Variants in OPCML observed in about 807,000 individuals in gnomAD.
OPCML encodes the protein opioid binding protein/cell adhesion molecule like.
Under a neutral mutation model 37.8 loss-of-function variants are expected in OPCML, and 13 were observed. The ratio of observed to expected loss-of-function variants is 0.34; its 90% CI spans 0.22 to 0.55. OPCML has a LOEUF of 0.55. Among genes scored for constraint, OPCML ranks in the 20% least tolerant of loss-of-function variants. The pLI is 0.91. For missense variants in OPCML, 341 were observed against 435.6 expected (o/e 0.78, Z 1.93); for synonymous variants, 176 against 168.8 (o/e 1.04, Z -0.33).
intron 1 of OPCML, chr11:133,419,169 C>T (rs1324895233): frequency 2.4e-6 from 2 of 824,660 alleles, no homozygotes; most frequent in Non-Finnish European, 2.9e-6. Flanking sequence ...ACTGCAATAG[C>T]ACAGTCTCAG....
At chr11:133,436,091 T>C (rs12796765) in intron 1 of OPCML, among the ~76,000 whole-genome samples, 21,718 of 152,152 alleles carry the variant, frequency 0.14, 1,766 homozygotes, top group African/African-American at 0.21. Context: ...TTGAGGATTG[T>C]GTAGTAGATG....
At chr11:133,199,668 A>G (rs1192977594) in intron 1 of OPCML, among the ~76,000 whole-genome samples, 2 of 152,190 alleles carry the variant, frequency 1.3e-5, no homozygotes, top group Non-Finnish European at 2.9e-5. Context: ...GCTGCTCTGA[A>G]TTATAGATGT....
intron 2 of OPCML, among the ~76,000 whole-genome samples, chr11:132,681,852 G>A (rs929036909): frequency 3.9e-5 from 6 of 152,052 alleles, no homozygotes; most frequent in Non-Finnish European, 7.4e-5. Context: ...CTACTCAGGA[G>A]GCTGAGGCAG....
intron 7 of OPCML, 148 bp from the exon 8 acceptor site, chr11:132,420,441 G>A: frequency 7.1e-7 from 1 of 1,402,138 alleles, no homozygotes; most frequent in African/African-American, 1.5e-5. Flanking sequence ...AGCCCATTGG[G>A]AGTATTTAGG....
intron 1 of OPCML, among the ~76,000 whole-genome samples, chr11:133,123,457 C>A (rs762134980): frequency 6.6e-6 from 1 of 152,158 alleles, no homozygotes; most frequent in Non-Finnish European, 1.5e-5. Context: ...CCCATAAACA[C>A]ATTTTACAAA....
chr11:133,168,319 G>A (rs543204212), intron 1 of OPCML, among the ~76,000 whole-genome samples: 1 of 152,266 alleles, frequency 6.6e-6, no homozygotes, highest in East Asian at 1.9e-4. Flanking sequence ...CAGAGGCAGG[G>A]AAACTGGGGC....
intron 2 of OPCML, among the ~76,000 whole-genome samples, chr11:132,916,876 C>G (rs2725443): frequency 0.54 from 81,838 of 151,988 alleles, 23,803 homozygotes; most frequent in African/African-American, 0.77. Context: ...ACAGACGACA[C>G]ATTAGACCTT....
rs200550977 is a variant in OPCML at position 133,349,797 on chromosome 11, G to GA, written c.61+182466dup. ...AATAGTGGGACATGCTAAACCATCA[G>GA]AAAAAAAAATATTTTGACTTATGCA... On this transcript the variant is annotated intron_variant, in intron 1 of 7. Transcript: ENST00000524381. Among the ~76,000 whole-genome samples, 533 of 151,246 alleles carry GA rather than the reference G, an allele frequency of 3.5e-3. 4 individuals are homozygous for GA. Among genetic ancestry groups the GA allele is most frequent in the African/African-American group, 0.011 (469 of 41,298 alleles).
chr11:132,540,979 G>A (rs943597587), intron 3 of OPCML, among the ~76,000 whole-genome samples: 1 of 152,096 alleles, frequency 6.6e-6, no homozygotes, highest in Non-Finnish European at 1.5e-5. Context: ...TAGGCTCCCT[G>A]GAGAGTTCTT....
intron 1 of OPCML, among the ~76,000 whole-genome samples, chr11:133,303,952 G>T (rs181272145): frequency 9.2e-5 from 14 of 152,298 alleles, no homozygotes; most frequent in African/African-American, 2.9e-4. Flanking sequence ...TATGTTTTTG[G>T]TTGTAGATTT....
chr11:133,454,447 C>T (rs1310987855), intron 1 of OPCML, among the ~76,000 whole-genome samples: 5 of 152,128 alleles, frequency 3.3e-5, no homozygotes, highest in South Asian at 2.1e-4. Flanking sequence ...TCCCCCCGTC[C>T]GAAGTGCTTA....
At chr11:133,047,781 T>C (rs1016225367) in intron 1 of OPCML, among the ~76,000 whole-genome samples, 1 of 152,062 alleles carries the variant, frequency 6.6e-6, no homozygotes, top group Admixed American at 6.6e-5. Flanking sequence ...TGAGAGAAAA[T>C]AGTTTCATGA....
chr11:133,175,233 C>T (rs1004599466), intron 1 of OPCML, among the ~76,000 whole-genome samples: 4 of 152,108 alleles, frequency 2.6e-5, no homozygotes, highest in Admixed American at 2.6e-4. Flanking sequence ...CAGAAGAAGA[C>T]CACAGCTCAA....
At chr11:132,524,063 G>C (rs1297627215) in intron 4 of OPCML, among the ~76,000 whole-genome samples, 2 of 152,166 alleles carry the variant, frequency 1.3e-5, no homozygotes, top group African/African-American at 2.4e-5. Context: ...GGTGTGTGAG[G>C]CATCGCAGTG....
chr11:132,685,093 G>A (rs1015140942), intron 2 of OPCML, among the ~76,000 whole-genome samples: 1 of 152,196 alleles, frequency 6.6e-6, no homozygotes, highest in East Asian at 1.9e-4. Context: ...TATTGTCAAT[G>A]TAACTTTTAA....
chr11:133,396,731 A>G (rs1270653585), intron 1 of OPCML, among the ~76,000 whole-genome samples: 1 of 152,184 alleles, frequency 6.6e-6, no homozygotes, highest in African/African-American at 2.4e-5. Flanking sequence ...TGGCACATTC[A>G]CCATCCTTGA....
chr11:132,633,475 CT>C (rs1940282372), intron 3 of OPCML, among the ~76,000 whole-genome samples: 1 of 152,138 alleles, frequency 6.6e-6, no homozygotes, highest in African/African-American at 2.4e-5. Flanking sequence ...TGGTTTATAT[CT>C]TTACGTAAGC....
At chr11:133,272,965 C>T (rs554658319) in intron 1 of OPCML, among the ~76,000 whole-genome samples, 34 of 152,264 alleles carry the variant, frequency 2.2e-4, no homozygotes, top group Non-Finnish European at 4.7e-4. Context: ...TCTCTTTGCT[C>T]TCAATAAGAT....
At chr11:132,747,763 G>T (rs1039815995) in intron 2 of OPCML, among the ~76,000 whole-genome samples, 2 of 152,204 alleles carry the variant, frequency 1.3e-5, no homozygotes, top group African/African-American at 4.8e-5. Flanking sequence ...TGCTGGTTTT[G>T]TTGAGAAGAA....
Sources: gnomAD v4.1 joint callset for allele counts (sites outside exome capture counted in the v4.1 genomes callset) on GRCh38, gnomAD v4.1.1 for gene constraint, MANE v1.5 for transcripts, NCBI Gene and HGNC (gene_info 2026-07-23, HGNC 2026-07-21) for gene names.